Variants in PPM1E observed in about 807,000 individuals in gnomAD.
PPM1E encodes protein phosphatase 1E.
Under a neutral mutation model 65.9 loss-of-function variants are expected in PPM1E, and 20 were observed. The observed-to-expected ratio is 0.30, with a 90% CI of 0.21 to 0.44. PPM1E has a LOEUF of 0.44. Among genes scored for constraint, PPM1E ranks in the 20% least tolerant of loss-of-function variants. The pLI is 1.00. For synonymous variants in PPM1E, 352 were observed against 374.9 expected, an observed-to-expected ratio of 0.94 and a Z score of 0.70; for missense variants, 713 against 953.1, an observed-to-expected ratio of 0.75 and a Z score of 3.32.
chr17:58,834,387 AG>A (rs901066238), intron 1 of PPM1E, among the ~76,000 whole-genome samples: 1 of 152,114 alleles, frequency 6.6e-6, no homozygotes, highest in Non-Finnish European at 1.5e-5. Flanking sequence ...ACAGAGGAAA[AG>A]TTTTAATTAT....
intron 1 of PPM1E, among the ~76,000 whole-genome samples, chr17:58,811,758 C>T (rs770458756): frequency 2.0e-5 from 3 of 152,064 alleles, no homozygotes; most frequent in South Asian, 2.1e-4. Flanking sequence ...GCAACCTCCA[C>T]CTCCCGGGGT....
intron 1 of PPM1E, among the ~76,000 whole-genome samples, chr17:58,889,585 G>A (rs776545709): frequency 2.6e-5 from 4 of 152,126 alleles, no homozygotes; most frequent in Admixed American, 1.3e-4. Flanking sequence ...GCAATAGATC[G>A]AGACTCCGTC....
chr17:58,883,937 C>T (rs1237476203), intron 1 of PPM1E, among the ~76,000 whole-genome samples: 1 of 149,618 alleles, frequency 6.7e-6, no homozygotes, highest in Non-Finnish European at 1.5e-5. Flanking sequence ...CCAAATTTAC[C>T]AAAAAAAAAT....
intron 1 of PPM1E, among the ~76,000 whole-genome samples, chr17:58,928,517 G>A (rs961664793): frequency 6.6e-6 from 1 of 151,884 alleles, no homozygotes; most frequent in African/African-American, 2.4e-5. Flanking sequence ...TGGTGAAGAT[G>A]TGGAACAACC....
chr17:58,815,644 AT>A (rs1364073178), intron 1 of PPM1E, among the ~76,000 whole-genome samples: 5 of 152,138 alleles, frequency 3.3e-5, no homozygotes, highest in African/African-American at 1.2e-4. Flanking sequence ...TTCATATCAG[AT>A]TATGTAAATC....
intron 1 of PPM1E, among the ~76,000 whole-genome samples, chr17:58,771,588 A>G (rs1048862446): frequency 1.3e-5 from 2 of 151,518 alleles, no homozygotes; most frequent in African/African-American, 4.8e-5. Context: ...GCGCCACTGC[A>G]CTCCAGCCTG....
intron 1 of PPM1E, among the ~76,000 whole-genome samples, chr17:58,795,649 A>T (rs1802456863): frequency 6.6e-6 from 1 of 152,220 alleles, no homozygotes; most frequent in Non-Finnish European, 1.5e-5. Flanking sequence ...GGTTGCAGTG[A>T]ACTATGTTTG....
intron 1 of PPM1E, among the ~76,000 whole-genome samples, chr17:58,825,181 TAAAA>T (rs975201002): frequency 7.1e-6 from 1 of 141,346 alleles, no homozygotes; most frequent in Admixed American, 7.1e-5. Context: ...AAAACTAAAA[TAAAA>T]AAAAGAAAGG....
Position 58,780,013 on chromosome 17 carries a change from A to C in PPM1E, c.464+23552A>C, listed in dbSNP as rs2050036021. Among the ~76,000 whole-genome samples the C allele has an allele frequency of 2.0e-5, 3 of 152,358 alleles. No individual in the cohort carries two copies. In the South Asian group the frequency reaches 6.2e-4, roughly 32 times the overall value. The stretch of plus-strand genomic sequence containing the variant: ...TATTAATGAAGATTGTGATGCTTCC[A>C]ATTTTTTGTGTTACAAAGAATGCTG... On this transcript the variant is annotated intron_variant, in intron 1 of 6. Coordinates refer to ENST00000308249, the MANE Select transcript of PPM1E (RefSeq NM_014906.5).
At chr17:58,827,901 C>CAAAAA (rs59217561) in intron 1 of PPM1E, among the ~76,000 whole-genome samples, 23 of 113,246 alleles carry the variant, frequency 2.0e-4, no homozygotes, top group South Asian at 1.2e-3. Flanking sequence ...GACTCCATCT[C>CAAAAA]AAAAAAAAAA....
chr17:58,965,942 C>T, intron 3 of PPM1E, 49 bp downstream of exon 3: 1 of 1,544,648 alleles, frequency 6.5e-7, no homozygotes. Flanking sequence ...ACAAAACAAA[C>T]ACCTTCATGG....
At chr17:58,784,151 T>A (rs958846647) in intron 1 of PPM1E, among the ~76,000 whole-genome samples, 2 of 151,862 alleles carry the variant, frequency 1.3e-5, no homozygotes, top group Non-Finnish European at 2.9e-5. Flanking sequence ...GCCTCCCGAG[T>A]AGCTGGGATT....
intron 1 of PPM1E, among the ~76,000 whole-genome samples, chr17:58,806,030 C>G (rs914699763): frequency 7.3e-6 from 1 of 137,678 alleles, no homozygotes; most frequent in African/African-American, 2.7e-5. Context: ...GCATTTGATA[C>G]TTAATTGTAG....
intron 1 of PPM1E, among the ~76,000 whole-genome samples, chr17:58,915,425 T>C (rs947241463): frequency 6.6e-6 from 1 of 152,146 alleles, no homozygotes; most frequent in Non-Finnish European, 1.5e-5. Flanking sequence ...CTTTACTGCG[T>C]CCTGTTTTAT....
chr17:58,869,666 C>A (rs891969703), intron 1 of PPM1E, among the ~76,000 whole-genome samples: 1 of 152,166 alleles, frequency 6.6e-6, no homozygotes, highest in Non-Finnish European at 1.5e-5. Flanking sequence ...ATAAATTACC[C>A]AGTCTCAGGT....
chr17:58,794,469 T>C (rs1465350383), intron 1 of PPM1E, among the ~76,000 whole-genome samples: 1 of 152,142 alleles, frequency 6.6e-6, no homozygotes. Context: ...TATAGATAAA[T>C]TGCGTGTTGT....
rs938615231 is a variant in PPM1E, at chr17:58,806,056, C to T, written c.464+49595C>T. 3.4e-5 allele frequency among the ~76,000 whole-genome samples: 5 copies of T among 148,404 alleles called. No homozygotes were observed. In the East Asian group the frequency reaches 1.0e-3, roughly 30 times the overall value. On this transcript the variant is annotated intron_variant, in intron 1 of 6. Coordinates refer to ENST00000308249, the MANE Select transcript of PPM1E (RefSeq NM_014906.5). Reference sequence around the variant, plus strand: ...TTAATTGTAGTAAGTACTGTCAATTCTCTCCTCCGTGTCCTGTCTCGTGGC... The same window carrying T: ...TTAATTGTAGTAAGTACTGTCAATTTTCTCCTCCGTGTCCTGTCTCGTGGC...
intron 1 of PPM1E, among the ~76,000 whole-genome samples, chr17:58,954,879 C>CAA (rs10715470): frequency 5.3e-4 from 54 of 100,960 alleles, no homozygotes; most frequent in Non-Finnish European, 8.0e-4. Flanking sequence ...GAGTCTCTCT[C>CAA]AAAAAAAAAA....
intron 1 of PPM1E, among the ~76,000 whole-genome samples, chr17:58,871,315 T>C (rs1396311228): frequency 1.3e-5 from 2 of 152,026 alleles, no homozygotes; most frequent in East Asian, 3.9e-4. Context: ...GCTGGGATTA[T>C]AGGCATTGAG....
Sources: allele counts gnomAD v4.1 joint callset (sites outside exome capture counted in the v4.1 genomes callset), GRCh38; gene constraint gnomAD v4.1.1; transcripts MANE v1.5; gene names NCBI Gene and HGNC (gene_info 2026-07-23, HGNC 2026-07-21).